CDH13: variants seen among roughly 807,000 people sequenced by gnomAD.
The protein encoded by CDH13 is cadherin 13, also known as cadherin-13.
In CDH13, 24 loss-of-function variants were observed where a neutral mutation model predicts 63.8. The ratio of observed to expected loss-of-function variants is 0.38; its 90% CI spans 0.27 to 0.53. The LOEUF (loss-of-function observed/expected upper bound fraction) is 0.53, where lower values mean the gene tolerates loss of function less well. CDH13 is among the 20% of genes least tolerant of loss of function. The pLI, the probability that CDH13 is intolerant of heterozygous loss-of-function variation, is 0.85. For synonymous variants in CDH13, 503 were observed against 355.3 expected (o/e 1.42, Z -4.67); for missense variants, 1,049 against 903.1 (o/e 1.16, Z -2.07).
intron 10 of CDH13, among the ~76,000 whole-genome samples, chr16:83,727,101 G>GC (rs1910500057): frequency 6.6e-6 from 1 of 152,184 alleles, no homozygotes; most frequent in Non-Finnish European, 1.5e-5. Flanking sequence ...ACAGAGTTGT[G>GC]CAACCATCAC....
At position 83,047,098 on chromosome 16, in the gene CDH13, A is replaced by G. The variant is rs964841511; in HGVS notation, c.366+14880A>G. The stretch of plus-strand genomic sequence containing the variant: ...AGGATTCCTTTGACAGCAACTTTTT[A>G]CAACTTCCTTCCTTTGAAGATATAA... On this transcript the variant is annotated intron_variant, in intron 3 of 13. Transcript: ENST00000567109. This position sits in a 1 kb window ranked among gnomAD's most constrained non-coding sequence, Gnocchi z 4.9. Among the ~76,000 whole-genome samples, 7 of 152,222 alleles carry G rather than the reference A, an allele frequency of 4.6e-5. No individual in the cohort carries two copies. Among genetic ancestry groups the G allele is most frequent in the Non-Finnish European group, 1.5e-5 (1 of 68,042 alleles).
At position 82,692,497 on chromosome 16, in the gene CDH13, A is replaced by T. The variant is rs190162349; in HGVS notation, c.45+65360A>T. ...TTATAAAACCATCAGATCTCATGAGATGTATTCACTACCATGAGAATGACA... is the reference window on the plus strand; with the variant it reads ...TTATAAAACCATCAGATCTCATGAGTTGTATTCACTACCATGAGAATGACA... On this transcript the variant is annotated intron_variant, in intron 1 of 13. Coordinates refer to ENST00000567109, the MANE Select transcript of CDH13 (RefSeq NM_001257.5). 1.2e-3 allele frequency among the ~76,000 whole-genome samples: 177 copies of T among 152,122 alleles called. 2 individuals are homozygous for T. Among genetic ancestry groups the T allele is most frequent in the Non-Finnish European group, 1.8e-3 (125 of 67,974 alleles).
chr16:83,010,317 A>C (rs1444853208), intron 2 of CDH13, among the ~76,000 whole-genome samples: 2 of 151,954 alleles, frequency 1.3e-5, no homozygotes, highest in Non-Finnish European at 1.5e-5. Context: ...AGAGGTTAAC[A>C]CTATTTTCAA....
At position 83,670,800 on chromosome 16, in the gene CDH13, C is replaced by A; in HGVS notation, c.1112C>A (p.Thr371Lys). 1 of 1,613,952 alleles carries A rather than the reference C, an allele frequency of 6.2e-7. No homozygotes were observed. Among genetic ancestry groups the A allele is most frequent in the Non-Finnish European group, 8.5e-7 (1 of 1,179,844 alleles). ...PKFTKKEFQATVEEGAVGVIV... is the reference protein window; with the variant it reads ...PKFTKKEFQAKVEEGAVGVIV... The stretch of plus-strand genomic sequence containing the variant: ...CTGCTTTGTTTGCAGTTTCAAGCCA[C>A]AGTCGAGGAAGGAGCTGTGGGAGTT... The change falls in exon 9 of 14, where the codon ACA becomes AAA. Residue 371 changes from threonine to lysine, a missense_variant. Thr to Lys is a moderately conservative substitution (Grantham distance 78). Coordinates refer to ENST00000567109, the MANE Select transcript of CDH13 (RefSeq NM_001257.5).
At chr16:82,854,744 A>G (rs182149543) in intron 1 of CDH13, among the ~76,000 whole-genome samples, 3 of 152,294 alleles carry the variant, frequency 2.0e-5, no homozygotes, top group Admixed American at 1.3e-4. Context: ...ACTTCCCTAT[A>G]CCCCAACTTT....
At chr16:83,359,437 G>A (rs932285223) in intron 6 of CDH13, among the ~76,000 whole-genome samples, 4 of 152,162 alleles carry the variant, frequency 2.6e-5, no homozygotes, top group African/African-American at 9.6e-5. Context: ...CTTTTCAGTG[G>A]TGCTAGTTCA....
chr16:83,783,417 G>A lies in CDH13; in HGVS notation c.2079G>A (p.Gly693=). The change falls in exon 13 of 14, where the codon GGG becomes GGA. Residue 693 remains glycine, a synonymous_variant. Coordinates refer to ENST00000567109, the MANE Select transcript of CDH13 (RefSeq NM_001257.5). ...CCAAAGTGGACTGCAACGCGGCAGGGGCCCTGCGCTTCAGCCTGCCCTCAG... is the reference window on the plus strand; with the variant it reads ...CCAAAGTGGACTGCAACGCGGCAGGAGCCCTGCGCTTCAGCCTGCCCTCAG... ...RNSKVDCNAA[G]ALRFSLPSVL... is the part of the protein sequence containing the mutation. The A allele has an allele frequency of 1.2e-6, 2 of 1,613,960 alleles. No individual in the cohort carries two copies. Among genetic ancestry groups the A allele is most frequent in the Non-Finnish European group, 1.7e-6 (2 of 1,179,882 alleles).
At chr16:82,789,883 G>C (rs1406171718) in intron 1 of CDH13, among the ~76,000 whole-genome samples, 1 of 152,114 alleles carries the variant, frequency 6.6e-6, no homozygotes. Context: ...GGCATTGTGG[G>C]CACGCTCCTG....
intron 1 of CDH13, among the ~76,000 whole-genome samples, chr16:82,715,767 G>A (rs138343281): frequency 6.6e-6 from 1 of 152,100 alleles, no homozygotes; most frequent in Middle Eastern, 3.2e-3. Context: ...ACGAAGCAGC[G>A]ATGATGGGGT....
chr16:82,901,324 CTGTGTGTGTGTGTGTGTGTGTGTG>C (rs61370328), intron 2 of CDH13, among the ~76,000 whole-genome samples: 1 of 130,416 alleles, frequency 7.7e-6, no homozygotes, highest in Admixed American at 7.7e-5. Flanking sequence ...TAGTATTCTC[CTGTGTGTGTGTGTGTGTGTGTGTG>C]TGTGTGTGTG....
chr16:83,728,422 A>G (rs1910681563), intron 10 of CDH13, among the ~76,000 whole-genome samples: 1 of 151,988 alleles, frequency 6.6e-6, no homozygotes, highest in Non-Finnish European at 1.5e-5. Flanking sequence ...TTGACAAACA[A>G]CAGTTCAATA....
At chr16:83,570,945 CCA>C (rs1037688791) in intron 7 of CDH13, among the ~76,000 whole-genome samples, 7 of 41,294 alleles carry the variant, frequency 1.7e-4, no homozygotes, top group African/African-American at 5.2e-4. Context: ...TATAACTCAT[CCA>C]TATATATATA....
intron 1 of CDH13, among the ~76,000 whole-genome samples, chr16:82,648,952 AG>A (rs1324311729): frequency 1.3e-5 from 2 of 152,212 alleles, no homozygotes; most frequent in Non-Finnish European, 2.9e-5. Flanking sequence ...AGTATGGAAA[AG>A]AAAGAGCCAA....
intron 5 of CDH13, among the ~76,000 whole-genome samples, chr16:83,315,209 C>G (rs528632920): frequency 1.6e-3 from 241 of 152,340 alleles, no homozygotes; most frequent in Non-Finnish European, 3.1e-3. Context: ...AGTATGGCGT[C>G]TTACCAGTAA....
chr16:82,657,389 C>T (rs547041228), intron 1 of CDH13, among the ~76,000 whole-genome samples: 53 of 152,224 alleles, frequency 3.5e-4, no homozygotes, highest in African/African-American at 1.2e-3. Flanking sequence ...TACTGAGTGA[C>T]TAATGGATGA....
At chr16:82,828,843 A>G (rs530896706) in intron 1 of CDH13, among the ~76,000 whole-genome samples, 57 of 152,316 alleles carry the variant, frequency 3.7e-4, no homozygotes, top group African/African-American at 1.3e-3. Context: ...TGTATAGATT[A>G]TATGCGAATA....
intron 3 of CDH13, among the ~76,000 whole-genome samples, chr16:83,077,468 C>G (rs183820001): frequency 6.6e-6 from 1 of 152,110 alleles, no homozygotes; most frequent in Non-Finnish European, 1.5e-5. Flanking sequence ...GCTGGGATTA[C>G]AGGTGTGAGC....
At chr16:83,035,549 C>G (rs1013864249) in intron 3 of CDH13, among the ~76,000 whole-genome samples, 2 of 152,176 alleles carry the variant, frequency 1.3e-5, no homozygotes, top group African/African-American at 2.4e-5. Context: ...AGCCAAGTGA[C>G]ATTTCCAAGG....
intron 6 of CDH13, among the ~76,000 whole-genome samples, chr16:83,384,798 C>T (rs1381970218): frequency 6.6e-6 from 1 of 152,202 alleles, no homozygotes; most frequent in Non-Finnish European, 1.5e-5. Context: ...CTTTTGGATT[C>T]TTTAAGTACT....
Sources: gnomAD v4.1 joint callset for allele counts (sites outside exome capture counted in the v4.1 genomes callset) on GRCh38, gnomAD v4.1.1 for gene constraint, Gnocchi (gnomAD v3.1) non-coding constraint, MANE v1.5 for transcripts, NCBI Gene and HGNC (gene_info 2026-07-23, HGNC 2026-07-21) for gene names.